The following LGI1 variants were observed in gnomAD, a reference collection of about 807,000 sequenced individuals.
The protein encoded by LGI1 is leucine-rich glioma-inactivated protein 1.
In LGI1, 11 loss-of-function variants were observed where a neutral mutation model predicts 57.7. The ratio of observed to expected loss-of-function variants is 0.19; its 90% confidence interval spans 0.12 to 0.32. The LOEUF (loss-of-function observed/expected upper bound fraction) is 0.32. Ranked by LOEUF, LGI1 falls within the 10% of genes least tolerant of loss-of-function variation. LGI1 has a pLI of 1.00. For synonymous variants in LGI1, 222 were observed against 241.9 expected (o/e 0.92, Z 0.76); for missense variants, 422 against 661.9 (o/e 0.64, Z 3.98).
chr10:93,797,819 G>A lies in LGI1; in HGVS notation c.*16G>A, dbSNP rs1044424055. 2 of 1,567,432 alleles carry A rather than the reference G, an allele frequency of 1.3e-6. No individual in the cohort carries two copies. Among genetic ancestry groups the A allele is most frequent in the Non-Finnish European group, 1.7e-6 (2 of 1,150,768 alleles). On this transcript the variant is annotated 3_prime_UTR_variant, in exon 8 of 8. Transcript: ENST00000371418. This position sits in a 1 kb window ranked among gnomAD's most constrained non-coding sequence, Gnocchi z 6.5. ...AAGCGCATGAGACACCAAATTCTGT[G>A]GCTGCCATCAGAAATTTTCTACAGT... is the stretch of plus-strand genomic sequence containing the variant.
chr10:93,795,111 A>G (rs1033633318), intron 7 of LGI1, among the ~76,000 whole-genome samples: 2 of 152,200 alleles, frequency 1.3e-5, no homozygotes, highest in Admixed American at 1.3e-4. Flanking sequence ...TGTATGGTTC[A>G]TCAATTTCTT....
intron 4 of LGI1, chr10:93,778,797 C>T (rs1223686312): frequency 6.6e-6 from 1 of 152,168 alleles, no homozygotes. Flanking sequence ...TGCTCTAGGC[C>T]CTAGGATGCA....
At chr10:93,768,514 T>C (rs10732775) in intron 2 of LGI1, 127,604 of 152,176 alleles carry the variant, frequency 0.84, 53,641 homozygotes, top group East Asian at 0.99. Flanking sequence ...GTTCCAGGAC[T>C]GGGGAGATCC....
chr10:93,790,560 A>G, intron 5 of LGI1: 1 of 205,266 alleles, frequency 4.9e-6, no homozygotes, highest in Non-Finnish European at 9.8e-6. Flanking sequence ...CAGAATAAAG[A>G]TGAAAGGTTA....
intron 2 of LGI1, among the ~76,000 whole-genome samples, chr10:93,776,445 T>C (rs953636080): frequency 6.6e-5 from 10 of 152,162 alleles, no homozygotes; most frequent in African/African-American, 2.2e-4. Context: ...AAATTACTCA[T>C]AAATGTTCAC....
intron 2 of LGI1, among the ~76,000 whole-genome samples, chr10:93,766,544 C>G (rs562827881): frequency 6.5e-5 from 4 of 61,984 alleles, no homozygotes; most frequent in East Asian, 6.1e-4. Flanking sequence ...TCGCTCTGTC[C>G]CCCAGGCTGG....
chr10:93,784,340 A>G (rs1440727893), intron 4 of LGI1, among the ~76,000 whole-genome samples: 3 of 152,222 alleles, frequency 2.0e-5, no homozygotes, highest in East Asian at 1.9e-4. Flanking sequence ...AGTGTCATCT[A>G]TTAATTTTAA....
chr10:93,758,443 A>G lies in LGI1; in HGVS notation c.215+84A>G, dbSNP rs2059587756. On this transcript the variant is annotated intron_variant, in intron 1 of 7. Coordinates refer to ENST00000371418, the MANE Select transcript of LGI1 (RefSeq NM_005097.4). The surrounding 1 kb of genome is among the most constrained non-coding windows in gnomAD (Gnocchi z 4.7). ...TTTGGGGCTTTGCATGTATTTGTAG[A>G]AGGGCATGGAGAGAGAGATTCCTCT... is the stretch of plus-strand genomic sequence containing the variant. 4.7e-6 allele frequency: 6 copies of G among 1,273,000 alleles called. No homozygotes were observed. In the Middle Eastern group the frequency reaches 7.3e-4, roughly 155 times the overall value. The allele number at this position is 1,273,000 out of a possible 1,614,324, so 78.9% of individuals were successfully genotyped here.
Position 93,793,329 on chromosome 10 carries a change from C to A in LGI1, c.817C>A (p.Arg273=), listed in dbSNP as rs760376686. The change falls in exon 7 of 8, where the codon CGG becomes AGG. Residue 273 remains arginine (R), a synonymous_variant. Transcript: ENST00000371418. ...LEWDHVEKTF[R]NYDNITGTST... ...ATGGGACCATGTGGAAAAGACCTTC[C>A]GGAATTATGACAACATTACAGGTAT... is the stretch of plus-strand genomic sequence containing the variant. 2.5e-6 allele frequency: 4 copies of A among 1,613,622 alleles called. No individual in the cohort carries two copies. Among genetic ancestry groups the A allele is most frequent in the Non-Finnish European group, 1.7e-6 (2 of 1,179,838 alleles).
Position 93,797,873 on chromosome 10 carries a change from T to G in LGI1, c.*70T>G, listed in dbSNP as rs1166916176. The G allele has an allele frequency of 2.9e-6, 3 of 1,031,156 alleles. No homozygotes were observed. Among genetic ancestry groups the G allele is most frequent in the Non-Finnish European group, 4.5e-6 (3 of 662,478 alleles). The allele number at this position is 1,031,156 out of a possible 1,614,324, so 63.9% of individuals were successfully genotyped here. A position where few individuals can be genotyped will look rare whatever the true frequency, so the allele number is the denominator to read the frequency against. On this transcript the variant is annotated 3_prime_UTR_variant, in exon 8 of 8. Transcript: ENST00000371418. The surrounding 1 kb of genome is among the most constrained non-coding windows in gnomAD (Gnocchi z 6.5). ...TGACCCGGATGAACTCAATGCATGA[T>G]GACTCTTCTTATCACACTTGCAAAT... is the stretch of plus-strand genomic sequence containing the variant.
chr10:93,796,535 AT>A (rs1190526405), intron 7 of LGI1, among the ~76,000 whole-genome samples: 1 of 152,240 alleles, frequency 6.6e-6, no homozygotes, highest in Non-Finnish European at 1.5e-5. Context: ...TGGAAAAAGG[AT>A]AATATTTATC....
chr10:93,761,859 T>C (rs2059627315), intron 2 of LGI1, among the ~76,000 whole-genome samples: 1 of 145,176 alleles, frequency 6.9e-6, no homozygotes, highest in African/African-American at 2.9e-5. Flanking sequence ...TTTCGAAACA[T>C]AACCAATGAC....
At chr10:93,783,058 A>C (rs1319343707) in intron 4 of LGI1, 1 of 152,282 alleles carries the variant, frequency 6.6e-6, no homozygotes, top group African/African-American at 2.4e-5. Flanking sequence ...CTAGACATTC[A>C]GCTGCGCAAT....
chr10:93,789,801 G>GTT, intron 4 of LGI1: 1 of 307,372 alleles, frequency 3.3e-6, no homozygotes, highest in Non-Finnish European at 6.0e-6. Flanking sequence ...GAACCCGGGA[G>GTT]GCAGAGGTTT....
chr10:93,758,378 T>C lies in LGI1; in HGVS notation c.215+19T>C. On this transcript the variant is annotated intron_variant, in intron 1 of 7. Coordinates refer to ENST00000371418, the MANE Select transcript of LGI1 (RefSeq NM_005097.4). The surrounding 1 kb of genome is among the most constrained non-coding windows in gnomAD (Gnocchi z 4.7). ...TCTCATTGTAAGGCCCGTAAGCATT[T>C]TGATATCTAATTTACGATTTAAAAA... 2 of 1,608,124 alleles carry C rather than the reference T, an allele frequency of 1.2e-6. No individual in the cohort carries two copies. Among genetic ancestry groups the C allele is most frequent in the South Asian group, 1.1e-5 (1 of 90,986 alleles).
intron 2 of LGI1, among the ~76,000 whole-genome samples, chr10:93,774,853 T>C (rs1447615033): frequency 6.6e-6 from 1 of 152,178 alleles, no homozygotes; most frequent in Non-Finnish European, 1.5e-5. Flanking sequence ...TCCATACAAA[T>C]TAAGGGTCAG....
intron 2 of LGI1, among the ~76,000 whole-genome samples, chr10:93,766,319 T>C (rs2059677807): frequency 6.6e-6 from 1 of 152,156 alleles, no homozygotes; most frequent in South Asian, 2.1e-4. Flanking sequence ...AATGTATACA[T>C]ACAAATAACT....
intron 5 of LGI1, 187 bp from the exon 6 acceptor site, chr10:93,792,556 C>G: frequency 7.5e-6 from 5 of 663,144 alleles, no homozygotes; most frequent in Non-Finnish European, 1.1e-5. Flanking sequence ...GGGTAGTCTT[C>G]AAGTGTGCAT....
In LGI1 at chr10:93,758,323, C is replaced by G. The variant is rs745646979; in HGVS notation, c.179C>G (p.Ser60Cys). 1 of 1,614,162 alleles carries G rather than the reference C, an allele frequency of 6.2e-7. No homozygotes were observed. The highest frequency in any genetic ancestry group is 1.1e-5 in the South Asian group (1 of 91,088). The change falls in exon 1 of 8, where the codon TCC (serine) becomes TGC (cysteine). Residue 60 changes from serine (S) to cysteine (C), a missense_variant. This residue lies in a region of LGI1 where 63 missense variants were observed against 138.4 expected (regional missense o/e 0.46). Coordinates refer to ENST00000371418, the MANE Select transcript of LGI1 (RefSeq NM_005097.4). The surrounding 1 kb of genome is among the most constrained non-coding windows in gnomAD (Gnocchi z 4.7). ...AATGCTTTATGTGAGAATGCCAGAT[C>G]CATTCCACGCACCGTTCCTCCTGAT... ...KDNALCENAR[S>C]IPRTVPPDVI...
Sources: gnomAD v4.1 joint callset for allele counts (sites outside exome capture counted in the v4.1 genomes callset) on GRCh38, gnomAD v4.1.1 for gene constraint, gnomAD v4.1.1 regional missense constraint, Gnocchi (gnomAD v3.1) non-coding constraint, MANE v1.5 for transcripts, NCBI Gene and HGNC (gene_info 2026-07-23, HGNC 2026-07-21) for gene names.